Variants in TPO observed in about 807,000 individuals in gnomAD.
TPO encodes the protein thyroid microsomal antigen.
A neutral mutation model predicts 96.9 loss-of-function variants in TPO; 78 were observed. The observed-to-expected ratio is 0.81, with a 90% CI of 0.67 to 0.97. The LOEUF (loss-of-function observed/expected upper bound fraction) is 0.97. Among genes scored for constraint, TPO ranks in the 50% least tolerant of loss-of-function variants. TPO has a pLI of 0.00. For synonymous variants in TPO, 547 were observed against 538.0 expected (o/e 1.02, Z -0.23); for missense variants, 1,252 against 1,274.8 (o/e 0.98, Z 0.27).
At chr2:1,460,706 G>A (rs1393789741) in intron 7 of TPO, among the ~76,000 whole-genome samples, 3 of 152,230 alleles carry the variant, frequency 2.0e-5, no homozygotes. Context: ...GTTGCTGGAA[G>A]CGTAGACCTC....
intron 7 of TPO, among the ~76,000 whole-genome samples, chr2:1,476,019 C>G (rs145997494): frequency 3.3e-5 from 5 of 152,342 alleles, no homozygotes; most frequent in African/African-American, 1.2e-4. Flanking sequence ...CGCACGGCAC[C>G]GAGCGGCCAA....
At chr2:1,438,185 C>T (rs974535499) in intron 5 of TPO, among the ~76,000 whole-genome samples, 4 of 149,438 alleles carry the variant, frequency 2.7e-5, no homozygotes, top group African/African-American at 1.0e-4. Context: ...GTGGGGATCC[C>T]GGGGGACAGT....
chr2:1,537,894 CCCCACCA>C, intron 15 of TPO, among the ~76,000 whole-genome samples: 1 of 106,362 alleles, frequency 9.4e-6, no homozygotes, highest in Admixed American at 1.2e-4. Flanking sequence ...CTCCTCAAAT[CCCCACCA>C]CTCTGTGCAA....
intron 15 of TPO, among the ~76,000 whole-genome samples, chr2:1,528,873 C>CG: frequency 6.8e-6 from 1 of 147,390 alleles, no homozygotes; most frequent in Non-Finnish European, 1.5e-5. Context: ...TGTGTGCAAC[C>CG]TCCCCAAATC....
chr2:1,389,746 G>A (rs1661968434), intron 1 of TPO, among the ~76,000 whole-genome samples: 1 of 151,974 alleles, frequency 6.6e-6, no homozygotes, highest in Non-Finnish European at 1.5e-5. Flanking sequence ...TCCCTTGCTT[G>A]TTTCCAGGAA....
intron 13 of TPO, among the ~76,000 whole-genome samples, chr2:1,502,171 T>A (rs1672935762): frequency 6.6e-6 from 1 of 152,092 alleles, no homozygotes; most frequent in Non-Finnish European, 1.5e-5. Flanking sequence ...CGGCTGCAGA[T>A]GCCTTCACAC....
chr2:1,489,278 A>G (rs547744129), intron 10 of TPO, among the ~76,000 whole-genome samples: 1 of 148,976 alleles, frequency 6.7e-6, no homozygotes, highest in South Asian at 2.1e-4. Flanking sequence ...ACACATGCCC[A>G]GCACACACCC....
intron 7 of TPO, among the ~76,000 whole-genome samples, chr2:1,472,714 C>G (rs1426339973): frequency 1.3e-5 from 2 of 151,638 alleles, no homozygotes; most frequent in Non-Finnish European, 2.9e-5. Context: ...GTACTACTGT[C>G]TAAAAATTCT....
chr2:1,453,971 C>T lies in TPO; in HGVS notation c.612+148C>T, dbSNP rs543471734. ...CCCAGCCTCCCTTTGATGTAGCAAT[C>T]ACTGTTTCTGCCCTATGGCTTAGGA... On this transcript the variant is annotated intron_variant, in intron 6 of 16. Coordinates refer to ENST00000329066, the MANE Select transcript of TPO (RefSeq NM_001206744.2). 5 of 1,303,666 alleles carry T rather than the reference C, an allele frequency of 3.8e-6. No individual in the cohort carries two copies. In the South Asian group the frequency reaches 5.1e-5, roughly 13 times the overall value. 80.8% of individuals were successfully genotyped at this position (1,303,666 alleles called of 1,614,324 possible).
chr2:1,489,966 C>A (rs558412281), intron 10 of TPO, among the ~76,000 whole-genome samples: 1 of 115,226 alleles, frequency 8.7e-6, no homozygotes, highest in East Asian at 2.6e-4. Flanking sequence ...AGAGCCGCCA[C>A]GTGGGTCCCA....
chr2:1,472,063 T>C (rs1669475564), intron 7 of TPO, among the ~76,000 whole-genome samples: 2 of 152,146 alleles, frequency 1.3e-5, no homozygotes, highest in African/African-American at 4.8e-5. Context: ...CTTCCTGTGA[T>C]CTGAGTGCTG....
chr2:1,451,767 CA>C (rs1337409552), intron 5 of TPO, among the ~76,000 whole-genome samples: 2 of 151,992 alleles, frequency 1.3e-5, no homozygotes, highest in South Asian at 4.2e-4. Context: ...TTATTTTTAA[CA>C]AAAGGAACCT....
chr2:1,496,506 G>A (rs1672365216), intron 12 of TPO, 89 bp from the exon 13 acceptor site: 1 of 1,581,560 alleles, frequency 6.3e-7, no homozygotes, highest in Non-Finnish European at 8.6e-7. Context: ...AGCCCCTCCA[G>A]GGCACAAGCG....
At chr2:1,380,368 T>C (rs556771029) in intron 1 of TPO, among the ~76,000 whole-genome samples, 4 of 137,442 alleles carry the variant, frequency 2.9e-5, no homozygotes, top group Non-Finnish European at 6.0e-5. Flanking sequence ...CACTCCAGCC[T>C]GGGCGACAGA....
At chr2:1,509,761 CTTTCAGGGACACCCTACCCTTTTG>C (rs1308000741) in intron 14 of TPO, among the ~76,000 whole-genome samples, 3 of 31,368 alleles carry the variant, frequency 9.6e-5, no homozygotes, top group African/African-American at 1.7e-4. Context: ...CCACCCCCTT[CTTTCAGGGACACCCTACCCTTTTG>C]TTTCAGGGAC....
At chr2:1,542,396 T>TA in intron 16 of TPO, 25 bp from the exon 17 acceptor site, 1 of 1,613,978 alleles carries the variant, frequency 6.2e-7, no homozygotes. Context: ...CAGACGTTAT[T>TA]AATGTTTGTT....
At chr2:1,529,283 C>G (rs113431564) in intron 15 of TPO, among the ~76,000 whole-genome samples, 1 of 118,972 alleles carries the variant, frequency 8.4e-6, no homozygotes, top group African/African-American at 3.6e-5. Context: ...AATCCCCCCA[C>G]TGTGTGCAAC....
At chr2:1,393,576 CT>C (rs944071516) in intron 1 of TPO, among the ~76,000 whole-genome samples, 3 of 152,188 alleles carry the variant, frequency 2.0e-5, no homozygotes, top group Non-Finnish European at 4.4e-5. Flanking sequence ...TGTGAACCCG[CT>C]GATAGCAAGC....
intron 9 of TPO, among the ~76,000 whole-genome samples, chr2:1,485,358 A>G (rs997302404): frequency 8.5e-5 from 13 of 152,306 alleles, no homozygotes; most frequent in South Asian, 2.1e-4. Flanking sequence ...TAGTGCTGCA[A>G]TAAACATACG....
Sources: gnomAD v4.1 joint callset for allele counts (sites outside exome capture counted in the v4.1 genomes callset) on GRCh38, gnomAD v4.1.1 for gene constraint, MANE v1.5 for transcripts, NCBI Gene and HGNC (gene_info 2026-07-23, HGNC 2026-07-21) for gene names.